The following EGFR variants were observed in gnomAD, a reference collection of about 807,000 sequenced individuals.
The protein encoded by EGFR is avian erythroblastic leukemia viral (v-erb-b) oncogene homolog.
A neutral mutation model predicts 143.0 loss-of-function variants in EGFR; 58 were observed. The observed-to-expected ratio is 0.41, with a 90% CI of 0.33 to 0.50. EGFR has a LOEUF of 0.50. Among genes scored for constraint, EGFR ranks in the 20% least tolerant of loss-of-function variants. The pLI, the probability that EGFR is intolerant of heterozygous loss-of-function variation, is 0.39. For synonymous variants in EGFR, 613 were observed against 594.4 expected (o/e 1.03, Z -0.45); for missense variants, 1,307 against 1,579.0 (o/e 0.83, Z 2.92).
In EGFR at chr7:55,181,291, A is replaced by G. The variant is rs2128958213; in HGVS notation, c.2284-2A>G. On this transcript the variant is annotated splice_acceptor_variant, in intron 19 of 27. Coordinates refer to ENST00000275493, the MANE Select transcript of EGFR (RefSeq NM_005228.5). LOFTEE classifies it high-confidence loss of function. ...CACTGACGTGCCTCTCCCTCCCTCC[A>G]GGAAGCCTACGTGATGGCCAGCGTG... 6.2e-7 allele frequency: 1 copy of G among 1,614,086 alleles called. No individual in the cohort carries two copies. Among genetic ancestry groups the G allele is most frequent in the Non-Finnish European group, 8.5e-7 (1 of 1,180,026 alleles).
intron 15 of EGFR, chr7:55,170,933 T>G: frequency 7.0e-7 from 1 of 1,425,892 alleles, no homozygotes; most frequent in Non-Finnish European, 9.1e-7. Flanking sequence ...GGCTGCTTTG[T>G]TCAATGCTAG....
chr7:55,061,478 T>G (rs1289066970), intron 1 of EGFR, among the ~76,000 whole-genome samples: 1 of 152,182 alleles, frequency 6.6e-6, no homozygotes, highest in Non-Finnish European at 1.5e-5. Context: ...AGAATATGCT[T>G]TCATTCAGCT....
chr7:55,129,620 C>T (rs983693498), intron 1 of EGFR, among the ~76,000 whole-genome samples: 4 of 152,090 alleles, frequency 2.6e-5, no homozygotes, highest in African/African-American at 9.7e-5. Context: ...GTAAATTGTG[C>T]CCAGCACGGA....
intron 1 of EGFR, among the ~76,000 whole-genome samples, chr7:55,076,760 A>G (rs762090397): frequency 6.6e-5 from 10 of 152,202 alleles, no homozygotes; most frequent in Non-Finnish European, 1.2e-4. Flanking sequence ...ACTCCTGAAG[A>G]GTTCTTCGTA....
chr7:55,093,873 G>T (rs1791282069), intron 1 of EGFR, among the ~76,000 whole-genome samples: 1 of 152,138 alleles, frequency 6.6e-6, no homozygotes, highest in African/African-American at 2.4e-5. Flanking sequence ...TTAGCCAGCT[G>T]GTCCTGTCGT....
At chr7:55,117,428 A>G (rs994409778) in intron 1 of EGFR, among the ~76,000 whole-genome samples, 2 of 152,180 alleles carry the variant, frequency 1.3e-5, no homozygotes, top group African/African-American at 4.8e-5. Flanking sequence ...TTCAATTAGC[A>G]TGTTATAGGT....
intron 1 of EGFR, among the ~76,000 whole-genome samples, chr7:55,097,338 C>T (rs547011474): frequency 7.9e-5 from 12 of 152,270 alleles, no homozygotes; most frequent in African/African-American, 1.9e-4. Flanking sequence ...ACACAGTCAT[C>T]GCAATAGTAA....
At chr7:55,068,123 C>T (rs968583234) in intron 1 of EGFR, among the ~76,000 whole-genome samples, 2 of 151,690 alleles carry the variant, frequency 1.3e-5, no homozygotes, top group African/African-American at 4.8e-5. Flanking sequence ...TGTGTGTGTG[C>T]ATGTGTGGTG....
chr7:55,139,000 C>G (rs1794311320), intron 1 of EGFR, among the ~76,000 whole-genome samples: 1 of 152,180 alleles, frequency 6.6e-6, no homozygotes, highest in Non-Finnish European at 1.5e-5. Context: ...ATAGCTAACC[C>G]ATTCTTACAT....
At chr7:55,104,824 G>A (rs1180689835) in intron 1 of EGFR, among the ~76,000 whole-genome samples, 3 of 152,224 alleles carry the variant, frequency 2.0e-5, no homozygotes, top group Non-Finnish European at 4.4e-5. Flanking sequence ...TTACAACGCA[G>A]TAGGAAGTGG....
chr7:55,210,189 A>G lies in EGFR; in HGVS notation c.*4572A>G, dbSNP rs1193943790. 1 of 152,208 alleles carries G rather than the reference A, an allele frequency of 6.6e-6. No homozygotes were observed. The highest frequency in any genetic ancestry group is 1.5e-5 in the Non-Finnish European group (1 of 68,032). The allele number at this position is 152,208 out of a possible 1,614,324, so 9.4% of individuals were successfully genotyped here. A position where few individuals can be genotyped will look rare whatever the true frequency, so the allele number is the denominator to read the frequency against. ...CTGTACATGTAAGAAAAGCAATAAC[A>G]TAGCACTTTGTTGGTTTATATATAT... On this transcript the variant is annotated 3_prime_UTR_variant, in exon 28 of 28. Transcript: ENST00000275493.
chr7:55,039,294 A>G (rs1787773635), intron 1 of EGFR, among the ~76,000 whole-genome samples: 1 of 152,216 alleles, frequency 6.6e-6, no homozygotes, highest in Admixed American at 6.5e-5. Flanking sequence ...GGGAGCAAAG[A>G]TAAACTAAGG....
At chr7:55,200,891 AGCAAGGT>A in intron 24 of EGFR, 1 of 524,746 alleles carries the variant, frequency 1.9e-6, no homozygotes, top group South Asian at 2.1e-5. Context: ...AACACCTCAC[AGCAAGGT>A]GCACACTCGA....
chr7:55,187,044 A>ACAGGGC (rs1787170163), intron 20 of EGFR, among the ~76,000 whole-genome samples: 1 of 152,144 alleles, frequency 6.6e-6, no homozygotes, highest in Non-Finnish European at 1.5e-5. Context: ...TTGGCTGCGG[A>ACAGGGC]CAGGGCGTGA....
chr7:55,164,943 A>G (rs529606038), intron 14 of EGFR, among the ~76,000 whole-genome samples: 62 of 152,224 alleles, frequency 4.1e-4, no homozygotes, highest in Non-Finnish European at 6.6e-4. Context: ...AAGAAAGACT[A>G]TCTGACCATA....
chr7:55,035,712 A>C (rs915917899), intron 1 of EGFR, among the ~76,000 whole-genome samples: 2 of 151,824 alleles, frequency 1.3e-5, no homozygotes, highest in African/African-American at 4.8e-5. Flanking sequence ...AGGATAAAGA[A>C]ATCATACTAA....
chr7:55,057,341 C>T (rs957621211), intron 1 of EGFR, among the ~76,000 whole-genome samples: 1 of 152,188 alleles, frequency 6.6e-6, no homozygotes, highest in East Asian at 1.9e-4. Context: ...TCACCAGAAA[C>T]GTGGACTTCC....
chr7:55,155,967 C>T lies in EGFR; in HGVS notation c.1006+21C>T, dbSNP rs200477342. The T allele has an allele frequency of 4.7e-5, 74 of 1,580,220 alleles. No homozygotes were observed. In the African/African-American group the frequency reaches 5.9e-4, roughly 13 times the overall value. ...CAAAGGTAGGAAGCCCGCCGGTGTG[C>T]GGACGAGGCTTGTTCTCGGCTGCTG... On this transcript the variant is annotated intron_variant, in intron 8 of 27. Coordinates refer to ENST00000275493, the MANE Select transcript of EGFR (RefSeq NM_005228.5).
intron 19 of EGFR, among the ~76,000 whole-genome samples, chr7:55,177,093 C>A (rs150445149): frequency 1.1e-4 from 17 of 152,058 alleles, no homozygotes; most frequent in South Asian, 6.2e-4. Flanking sequence ...GCGGCCATGT[C>A]CCCCCTCCTC....
Sources: allele counts gnomAD v4.1 joint callset (sites outside exome capture counted in the v4.1 genomes callset), GRCh38; gene constraint gnomAD v4.1.1; transcripts MANE v1.5; gene names NCBI Gene and HGNC (gene_info 2026-07-23, HGNC 2026-07-21).